Variants in HR observed in about 807,000 individuals in gnomAD.
HR encodes the protein lysine-specific demethylase hairless.
Under a neutral mutation model 128.6 loss-of-function variants are expected in HR, and 83 were observed. That is an observed-to-expected ratio of 0.65 (90% CI 0.54 to 0.77). HR has a LOEUF of 0.77. Among genes scored for constraint, HR ranks in the 30% least tolerant of loss-of-function variants. The pLI, the probability that HR is intolerant of heterozygous loss-of-function variation, is 0.00. For missense variants in HR, 1,490 were observed against 1,574.6 expected (o/e 0.95, Z 0.91); for synonymous variants, 681 against 658.2 (o/e 1.03, Z -0.53).
In HR at chr8:22,119,624, A is replaced by C. The variant is rs577505039; in HGVS notation, c.2977+136T>G. The C allele has an allele frequency of 3.0e-4, 369 of 1,231,914 alleles. 6 individuals are homozygous for C. The South Asian group carries it at 5.1e-3, about 17-fold the overall frequency. The allele number at this position is 1,231,914 out of a possible 1,614,324, so 76.3% of individuals were successfully genotyped here. A position where few individuals can be genotyped will look rare whatever the true frequency, so the allele number is the denominator to read the frequency against. On this transcript the variant is annotated intron_variant, in intron 14 of 18. Transcript: ENST00000381418. ...CTCCGTCTCAACAACAACAAAAAAA[A>C]AAAAAAAGAAAGAAAGAAATGGAAT... is the stretch of plus-strand genomic sequence containing the variant.
chr8:22,119,732 G>A (rs1193945149), intron 14 of HR, 28 bp downstream of exon 14: 1 of 1,590,236 alleles, frequency 6.3e-7, no homozygotes, highest in Admixed American at 1.7e-5. Context: ...TGGGAGTAGA[G>A]ACTGGGCAGG....
At chr8:22,118,119 T>C (rs1826637534) in intron 16 of HR, 1 of 152,284 alleles carries the variant, frequency 6.6e-6, no homozygotes, top group African/African-American at 2.4e-5. Context: ...TATCTACACA[T>C]GTGTGTACCT....
intron 6 of HR, among the ~76,000 whole-genome samples, chr8:22,123,127 G>T (rs73549515): frequency 3.3e-5 from 5 of 152,200 alleles, no homozygotes; most frequent in Non-Finnish European, 5.9e-5. Flanking sequence ...TCTAAAACGT[G>T]TCTGACCCTG....
chr8:22,128,415 G>A, intron 2 of HR, 144 bp downstream of exon 2: 1 of 1,181,260 alleles, frequency 8.5e-7, no homozygotes, highest in Non-Finnish European at 1.2e-6. Context: ...GGTTGACTGT[G>A]GGGCCTGGGA....
chr8:22,129,131 A>T lies in HR; in HGVS notation c.40T>A (p.Trp14Arg). The T allele has an allele frequency of 6.4e-7, 1 of 1,555,810 alleles. No homozygotes were observed. The highest frequency in any genetic ancestry group is 8.7e-7 in the Non-Finnish European group (1 of 1,154,582). Residue 14 changes from tryptophan to arginine, a missense_variant, in exon 2 of 19, where the codon TGG becomes AGG. Trp to Arg is a moderately radical substitution (Grantham distance 101). Around this residue, in one of 3 missense-constraint regions of HR, gnomAD observed 1,060 missense variants for 1,060.9 expected, o/e 1.00. Coordinates refer to ENST00000381418, the MANE Select transcript of HR (RefSeq NM_005144.5). ...TPSFLKGTPTWEKTAPENGIV... is the reference protein window; with the variant it reads ...TPSFLKGTPTREKTAPENGIV... Reference sequence around the variant, plus strand: ...CCGTTCTCTGGGGCCGTCTTCTCCCAGGTTGGGGTGCCCTTCAGGAAGCTG... The same window carrying T: ...CCGTTCTCTGGGGCCGTCTTCTCCCTGGTTGGGGTGCCCTTCAGGAAGCTG...
chr8:22,118,863 G>T, intron 16 of HR, 87 bp downstream of exon 16: 1 of 1,150,186 alleles, frequency 8.7e-7, no homozygotes, highest in Non-Finnish European at 1.3e-6. Flanking sequence ...CAGGGAGCGA[G>T]CACATGGGAC....
At chr8:22,123,079 T>A (rs1826796663) in intron 6 of HR, among the ~76,000 whole-genome samples, 200 bp from the exon 7 acceptor site, 1 of 152,180 alleles carries the variant, frequency 6.6e-6, no homozygotes, top group African/African-American at 2.4e-5. Context: ...GCTGAGAGGC[T>A]TTGCAGGTCC....
At chr8:22,123,617 T>TAACCC in intron 6 of HR, 32 bp downstream of exon 6, 1 of 292,092 alleles carries the variant, frequency 3.4e-6, no homozygotes, top group Non-Finnish European at 6.2e-6. Context: ...GAGGGCTCCA[T>TAACCC]CCCGCCCTCC....
chr8:22,122,722 A>C, intron 7 of HR, 68 bp downstream of exon 7: 2 of 1,499,176 alleles, frequency 1.3e-6, no homozygotes, highest in Non-Finnish European at 1.8e-6. Flanking sequence ...GGGAGGGACA[A>C]TCAGACGGGA....
chr8:22,121,650 G>C lies in HR; in HGVS notation c.2166C>G (p.Cys722Trp), dbSNP rs200854129. 1 of 1,614,164 alleles carries C rather than the reference G, an allele frequency of 6.2e-7. No homozygotes were observed. Among genetic ancestry groups the C allele is most frequent in the Non-Finnish European group, 8.5e-7 (1 of 1,180,038 alleles). Residue 722 changes from cysteine (C) to tryptophan (W), a missense_variant, in exon 9 of 19, where the codon TGC becomes TGG. By Grantham distance (215) the Cys-to-Trp change is radical. Around this residue, in one of 3 missense-constraint regions of HR, gnomAD observed 1,060 missense variants for 1,060.9 expected, o/e 1.00. Coordinates refer to ENST00000381418, the MANE Select transcript of HR (RefSeq NM_005144.5). ...QKTPPTPQPS[C>W]NGDTHRTKSI... ...TCTTGGTCCTGTGGGTGTCGCCATT[G>C]CAGGAAGGTTGTGGAGTTGGGGGCG...
chr8:22,126,906 C>G, intron 3 of HR, 131 bp downstream of exon 3: 1 of 873,692 alleles, frequency 1.1e-6, no homozygotes, highest in Non-Finnish European at 1.7e-6. Flanking sequence ...AGAGAGCCCT[C>G]GTGATCCAGG....
Position 22,127,685 on chromosome 8 carries a change from C to T in HR, c.757G>A (p.Gly253Arg), listed in dbSNP as rs1305642457. The T allele has an allele frequency of 6.2e-7, 1 of 1,610,142 alleles. No homozygotes were observed. The highest frequency in any genetic ancestry group is 1.1e-5 in the South Asian group (1 of 91,080). Residue 253 changes from glycine (G) to arginine (R), a missense_variant, in exon 3 of 19, where the codon GGA becomes AGA. Transcript: ENST00000381418. ...TGCTGCCGGCCAGCTCCCATCTCTC[C>T]ATCCCTCTGGTGCAGTGAAGGGCGT... ...AERPSLHQRD[G>R]EMGAGRQQNP... is the part of the protein sequence containing the mutation.
rs202198895 is a variant in HR at position 22,120,170 on chromosome 8, C to A, written c.2780G>T (p.Arg927Leu). The A allele has an allele frequency of 3.8e-5, 61 of 1,593,026 alleles. No homozygotes were observed. The highest frequency in any genetic ancestry group is 4.7e-5 in the Non-Finnish European group (55 of 1,170,464). The change falls in exon 13 of 19, where the codon CGC becomes CTC. Residue 927 changes from arginine (R) to leucine (L), a missense_variant. Physicochemically the swap from Arg to Leu is moderately radical, Grantham distance 102 (BLOSUM62 -2). Transcript: ENST00000381418. ...FWEGFSWPEL[R>L]PKSDEGSVLL... ...GACAGAGCCCTCGTCTGACTTTGGG[C>A]GAACTACAGGAGGAGACAGAACGGC...
Position 22,122,944 on chromosome 8 carries a change from G to A in HR, c.1916-65C>T, listed in dbSNP as rs1182833594. 3 of 1,465,656 alleles carry A rather than the reference G, an allele frequency of 2.0e-6. No homozygotes were observed. The East Asian group carries it at 7.4e-5, about 36-fold the overall frequency. 90.8% of individuals were successfully genotyped at this position (1,465,656 alleles called of 1,614,324 possible). On this transcript the variant is annotated intron_variant, in intron 6 of 18. Transcript: ENST00000381418. ...AAGGTAATCACAGGTTAAGGTCAGA[G>A]AAGGTCAGGACATGATACCTAAACC...
At position 22,127,779 on chromosome 8, in the gene HR, C is replaced by T; in HGVS notation, c.663G>A (p.Leu221=). The T allele has an allele frequency of 6.3e-7, 1 of 1,599,818 alleles. No homozygotes were observed. The highest frequency in any genetic ancestry group is 1.1e-5 in the South Asian group (1 of 91,078). The change falls in exon 3 of 19, where the codon TTG becomes TTA. Residue 221 remains leucine, a synonymous_variant. Transcript: ENST00000381418. ...CAAACAACCCAGGTTCCGCAGCTGC[C>T]AAGGGCTCCTTTGCCAACCTGGGAA... ...PSIPRLAKEP[L]AAAEPGLFGL...
In HR at chr8:22,127,100, C is replaced by A. The variant is rs980758663; in HGVS notation, c.1342G>T (p.Glu448Ter). ...TAEQGAGGWQEVRDTSIGNKD... is the reference protein window; with the variant it reads ...TAEQGAGGWQ ...TTCCCTATCGATGTGTCCCGCACCT[C>A]CTGCCAACCCCCAGCCCCCTGTTCT... Residue 448 changes from glutamate to a stop codon, truncating the protein, a stop_gained, in exon 3 of 19, where the codon GAG (glutamate) becomes TAG (stop). Coordinates refer to ENST00000381418, the MANE Select transcript of HR (RefSeq NM_005144.5). LOFTEE classifies it high-confidence loss of function. 6.2e-7 allele frequency: 1 copy of A among 1,611,032 alleles called. No homozygotes were observed. Among genetic ancestry groups the A allele is most frequent in the Non-Finnish European group, 8.5e-7 (1 of 1,178,668 alleles).
chr8:22,118,100 C>G (rs1240199747), intron 16 of HR: 4 of 152,266 alleles, frequency 2.6e-5, no homozygotes, highest in Non-Finnish European at 5.9e-5. Context: ...GTCCCAGCAT[C>G]TGTGTGTGTA....
intron 8 of HR, 64 bp downstream of exon 8, chr8:22,122,429 A>G (rs2131758097): frequency 1.7e-6 from 2 of 1,192,024 alleles, no homozygotes; most frequent in Non-Finnish European, 1.2e-6. Context: ...GGGGGGCCAA[A>G]CCCCTGCAAA....
rs753199610 is a variant in HR, at chr8:22,116,405, G to A, written c.3402C>T (p.Val1134=). 1.1e-5 allele frequency: 18 copies of A among 1,613,692 alleles called. No homozygotes were observed. The highest frequency in any genetic ancestry group is 1.4e-5 in the Non-Finnish European group (17 of 1,179,934). ...PHQVQGLVST[V]SVTQHFLSPE... ...GGGAGAGGAAGTGCTGAGTGACGCT[G>A]ACTGTGCTCACCAGGCCCTGCACCT... Residue 1134 remains valine (V), a synonymous_variant, in exon 18 of 19, where the codon GTC becomes GTT. Transcript: ENST00000381418. This position sits in a 1 kb window ranked among gnomAD's most constrained non-coding sequence, Gnocchi z 4.2.
Sources: allele counts gnomAD v4.1 joint callset (sites outside exome capture counted in the v4.1 genomes callset), GRCh38; gene constraint gnomAD v4.1.1; regional missense constraint gnomAD v4.1.1; non-coding constraint Gnocchi (gnomAD v3.1); transcripts MANE v1.5; gene names NCBI Gene and HGNC (gene_info 2026-07-23, HGNC 2026-07-21).